Variants in IMPG2 observed in about 807,000 individuals in gnomAD.
IMPG2 encodes the protein IPM 200.
In IMPG2, 91 loss-of-function variants were observed where a neutral mutation model predicts 129.2. The observed-to-expected ratio is 0.70, with a 90% CI of 0.59 to 0.84. IMPG2 has a LOEUF of 0.84. Ranked by LOEUF, IMPG2 falls within the 40% of genes least tolerant of loss-of-function variation. The probability of loss-of-function intolerance (pLI) is 0.00; values close to 1 mark genes in which losing one functional copy is unlikely to be tolerated. For synonymous variants in IMPG2, 510 were observed against 517.7 expected (o/e 0.99, Z 0.20); for missense variants, 1,430 against 1,461.7 (o/e 0.98, Z 0.35).
At position 101,244,612 on chromosome 3, in the gene IMPG2, G is replaced by A. The variant is rs774820416; in HGVS notation, c.1719C>T (p.Thr573=). The A allele has an allele frequency of 1.2e-6, 2 of 1,600,350 alleles. No individual in the cohort carries two copies. Among genetic ancestry groups the A allele is most frequent in the African/African-American group, 1.3e-5 (1 of 74,210 alleles). Residue 573 remains threonine (T), a synonymous_variant, in exon 13 of 19, where the codon ACC becomes ACT. Coordinates refer to ENST00000193391, the MANE Select transcript of IMPG2 (RefSeq NM_016247.4). ...CTTTTAATTGGTCTTTGACTTTGGA[G>A]GTCAAGGAGTCCAAGCCAAAAGGTA... ...SSIPFGLDSL[T]SKVKDQLKVS... is the part of the protein sequence containing the mutation.
intron 3 of IMPG2, among the ~76,000 whole-genome samples, chr3:101,303,348 A>C (rs762154858): frequency 1.3e-5 from 2 of 152,216 alleles, no homozygotes; most frequent in Admixed American, 6.5e-5. Flanking sequence ...AATCATCATA[A>C]AATATAAACA....
Position 101,245,931 on chromosome 3 carries a change from G to A in IMPG2, c.1414C>T (p.Leu472Phe). The change falls in exon 12 of 19, where the codon CTC becomes TTC. Residue 472 changes from leucine to phenylalanine, a missense_variant. Transcript: ENST00000193391. ...HKLAFPSKMG[L>F]SSSPEVLEVS... ...TCTAAAACCTCTGGGGAAGAGCTGA[G>A]GCCCATCTTCGAGGGAAAGGCTAAT... 1.2e-6 allele frequency: 2 copies of A among 1,614,168 alleles called. No homozygotes were observed.
chr3:101,243,910 C>T lies in IMPG2; in HGVS notation c.2421G>A (p.Arg807=), dbSNP rs767512719. Residue 807 remains arginine (R), a synonymous_variant, in exon 13 of 19, where the codon AGG becomes AGA. Coordinates refer to ENST00000193391, the MANE Select transcript of IMPG2 (RefSeq NM_016247.4). ...ILASTPQSAD[R]LWLSVTQSTK... is the part of the protein sequence containing the mutation. The stretch of plus-strand genomic sequence containing the variant: ...TAGACTGTGTCACAGATAACCAGAG[C>T]CTGTCAGCACTCTGTGGTGTACTTG... 15 of 1,614,078 alleles carry T rather than the reference C, an allele frequency of 9.3e-6. No individual in the cohort carries two copies. In the African/African-American group the frequency reaches 2.0e-4, roughly 22 times the overall value.
intron 12 of IMPG2, among the ~76,000 whole-genome samples, chr3:101,245,521 G>A (rs1255770868): frequency 1.3e-5 from 2 of 152,140 alleles, no homozygotes; most frequent in Admixed American, 6.5e-5. Context: ...AGTAGTAGCA[G>A]TAATTTAACT....
At chr3:101,265,906 T>C (rs1706716742) in intron 9 of IMPG2, among the ~76,000 whole-genome samples, 1 of 152,130 alleles carries the variant, frequency 6.6e-6, no homozygotes, top group African/African-American at 2.4e-5. Context: ...GAATAGACAT[T>C]TCTCAAAAGA....
At position 101,301,685 on chromosome 3, in the gene IMPG2, C is replaced by T. The variant is rs963036893; in HGVS notation, c.501+2461G>A. On this transcript the variant is annotated intron_variant, in intron 3 of 18. Transcript: ENST00000193391. ...CTTGGGCCATTCCTTCACCCTGTCT[C>T]GACCCATCAGTGTCCTACTAATTTT... Among the ~76,000 whole-genome samples the T allele has an allele frequency of 5.3e-5, 8 of 152,316 alleles. No individual in the cohort carries two copies. In the South Asian group the frequency reaches 1.2e-3, roughly 24 times the overall value.
rs1352644806 is a variant in IMPG2, at chr3:101,245,876, G to A, written c.1469C>T (p.Thr490Ile). Residue 490 changes from threonine (T) to isoleucine (I), a missense_variant, in exon 12 of 19, where the codon ACC becomes ATC. Physicochemically the swap from Thr to Ile is moderately conservative, Grantham distance 89. Coordinates refer to ENST00000193391, the MANE Select transcript of IMPG2 (RefSeq NM_016247.4). Reference protein sequence around the residue: ...EVSSLTLHSVTPAVLQTGLPV... With the variant: ...EVSSLTLHSVIPAVLQTGLPV... ...CAAGCCAGTCTGAAGCACTGCCGGG[G>A]TGACAGAATGAAGAGTCAAGCTGCT... 23 of 1,614,062 alleles carry A rather than the reference G, an allele frequency of 1.4e-5. No homozygotes were observed. The highest frequency in any genetic ancestry group is 1.8e-5 in the Non-Finnish European group (21 of 1,180,022).
At chr3:101,246,299 A>G (rs112555639) in intron 11 of IMPG2, among the ~76,000 whole-genome samples, 194 bp from the exon 12 acceptor site, 1 of 152,168 alleles carries the variant, frequency 6.6e-6, no homozygotes, top group African/African-American at 2.4e-5. Flanking sequence ...ATATCTAGAG[A>G]AAAAGTATAT....
chr3:101,267,579 AT>A, intron 8 of IMPG2, 48 bp from the exon 9 acceptor site: 1 of 1,448,128 alleles, frequency 6.9e-7, no homozygotes, highest in Non-Finnish European at 9.7e-7. Context: ...GACAGTTATT[AT>A]TGTCACATCA....
At chr3:101,299,470 CA>C (rs1194440918) in intron 3 of IMPG2, among the ~76,000 whole-genome samples, 2 of 152,162 alleles carry the variant, frequency 1.3e-5, no homozygotes, top group African/African-American at 4.8e-5. Context: ...GGAGAAGAGG[CA>C]CTCTGGCCTT....
At position 101,292,125 on chromosome 3, in the gene IMPG2, G is replaced by A. The variant is rs1707024768; in HGVS notation, c.502-615C>T. Among the ~76,000 whole-genome samples the A allele has an allele frequency of 2.0e-5, 3 of 152,274 alleles. No individual in the cohort carries two copies. In the South Asian group the frequency reaches 6.2e-4, roughly 32 times the overall value. On this transcript the variant is annotated intron_variant, in intron 3 of 18. Coordinates refer to ENST00000193391, the MANE Select transcript of IMPG2 (RefSeq NM_016247.4). Reference sequence around the variant, plus strand: ...CCAGTTTCCCCTCCTTAGCTATACAGGAAAATCCCAAAATCTCTCTGGTGC... The same window carrying A: ...CCAGTTTCCCCTCCTTAGCTATACAAGAAAATCCCAAAATCTCTCTGGTGC...
At chr3:101,274,171 G>A (rs113850388) in intron 6 of IMPG2, among the ~76,000 whole-genome samples, 31 of 151,832 alleles carry the variant, frequency 2.0e-4, no homozygotes, top group African/African-American at 7.0e-4. Flanking sequence ...CCTGGGTGAC[G>A]GAGCAATACT....
At chr3:101,263,323 CA>C (rs1559648333) in intron 9 of IMPG2, among the ~76,000 whole-genome samples, 1 of 151,784 alleles carries the variant, frequency 6.6e-6, no homozygotes, top group African/African-American at 2.4e-5. Flanking sequence ...GAACAAGTCT[CA>C]AAAAATTTTT....
chr3:101,231,260 G>A, intron 15 of IMPG2, 115 bp from the exon 16 acceptor site: 1 of 979,650 alleles, frequency 1.0e-6, no homozygotes, highest in Admixed American at 1.7e-5. Flanking sequence ...CTGACCACGT[G>A]AAGCTTCATA....
intron 4 of IMPG2, among the ~76,000 whole-genome samples, chr3:101,289,253 T>G (rs1706979733): frequency 6.6e-6 from 1 of 152,160 alleles, no homozygotes; most frequent in Non-Finnish European, 1.5e-5. Context: ...TTGTTGTTAT[T>G]GTAATAATTA....
intron 3 of IMPG2, 34 bp from the exon 4 acceptor site, chr3:101,291,544 TAAC>T (rs1245978065): frequency 1.3e-6 from 2 of 1,538,104 alleles, no homozygotes; most frequent in Admixed American, 3.4e-5. Flanking sequence ...ATGACTGAGT[TAAC>T]AACAGTTATT....
chr3:101,310,705 T>C (rs1559660401), intron 2 of IMPG2, among the ~76,000 whole-genome samples: 1 of 152,186 alleles, frequency 6.6e-6, no homozygotes, highest in Non-Finnish European at 1.5e-5. Context: ...CTGTTTAAAA[T>C]GTTTTCATAA....
intron 9 of IMPG2, among the ~76,000 whole-genome samples, chr3:101,261,136 A>G (rs1223728812): frequency 6.6e-6 from 1 of 152,124 alleles, no homozygotes; most frequent in Non-Finnish European, 1.5e-5. Flanking sequence ...CTCTGTGAGG[A>G]TGTGCATGCT....
intron 3 of IMPG2, among the ~76,000 whole-genome samples, chr3:101,295,812 T>C (rs923792558): frequency 6.6e-6 from 1 of 152,196 alleles, no homozygotes; most frequent in Non-Finnish European, 1.5e-5. Context: ...GGTATTTTAT[T>C]CTTTTTGTAG....
Sources: allele counts gnomAD v4.1 joint callset (sites outside exome capture counted in the v4.1 genomes callset), GRCh38; gene constraint gnomAD v4.1.1; transcripts MANE v1.5; gene names NCBI Gene and HGNC (gene_info 2026-07-23, HGNC 2026-07-21).